Variants in MZT2A observed in about 807,000 individuals in gnomAD.
MZT2A encodes the protein mitotic-spindle organizing protein 2A.
In MZT2A, 8 loss-of-function variants were observed where a neutral mutation model predicts 12.4. That is an observed-to-expected ratio of 0.64 (90% CI 0.38 to 1.16). The LOEUF is 1.16. Ranked by LOEUF, MZT2A falls within the 50% of genes most tolerant of loss-of-function variation. MZT2A has a pLI of 0.01. For missense variants in MZT2A, 181 were observed against 223.6 expected, an observed-to-expected ratio of 0.81 and a Z score of 1.22; for synonymous variants, 88 against 107.5, an observed-to-expected ratio of 0.82 and a Z score of 1.12.
rs976167027 is a variant in MZT2A, at chr2:131,490,857, G to C, written c.319+1019C>G. The stretch of plus-strand genomic sequence containing the variant: ...CTGGAGGAAAACGAGGGCCTTGCAG[G>C]GGGGCTACTGTTCCTGGCAGAGAGA... On this transcript the variant is annotated intron_variant, in intron 2 of 2. Coordinates refer to ENST00000309451, the MANE Select transcript of MZT2A (RefSeq NM_001085365.2). The C allele has an allele frequency of 1.9e-5, 30 of 1,549,912 alleles. 1 individual carries two copies. In the Admixed American group the frequency reaches 4.3e-4, roughly 22 times the overall value.
At chr2:131,492,575 G>T (rs1340630557), upstream of MZT2A, 77 of 1,179,294 alleles carry the variant, frequency 6.5e-5, no homozygotes, top group Non-Finnish European at 5.7e-5. Context: ...TGAGCGGCGC[G>T]CTAGGCGTCG....
intron 2 of MZT2A, chr2:131,478,533 G>A: frequency 1.4e-6 from 2 of 1,403,620 alleles, no homozygotes; most frequent in South Asian, 3.0e-5. Context: ...GAAACTGAAA[G>A]GTTCGTGATC....
At chr2:131,474,635 C>T (rs1485750232) in intron 2 of MZT2A, among the ~76,000 whole-genome samples, 5 of 150,780 alleles carry the variant, frequency 3.3e-5, no homozygotes, top group Non-Finnish European at 7.4e-5. Flanking sequence ...GTCTTGAACT[C>T]CTGACCTCAA....
chr2:131,490,847 G>A, intron 2 of MZT2A: 1 of 1,550,062 alleles, frequency 6.5e-7, no homozygotes, highest in South Asian at 1.2e-5. Context: ...GGAAAACGAG[G>A]GCCTTGCAGG....
chr2:131,480,935 G>C (rs1200008758), downstream of MZT2A, among the ~76,000 whole-genome samples: 2 of 149,956 alleles, frequency 1.3e-5, no homozygotes, highest in Non-Finnish European at 3.0e-5. Context: ...AGACAGTCTT[G>C]CTCTGTCAAC....
At chr2:131,478,692 A>G in intron 2 of MZT2A, 2 of 500,260 alleles carry the variant, frequency 4.0e-6, no homozygotes, top group Admixed American at 3.6e-5. Context: ...GTGCAGTGGC[A>G]TTGGTTCCCT....
At chr2:131,478,054 G>C in intron 2 of MZT2A, 1 of 1,430,844 alleles carries the variant, frequency 7.0e-7, no homozygotes, top group Admixed American at 2.5e-5. Flanking sequence ...GATTGTGAAA[G>C]CGCCAGATAC....
At chr2:131,493,149 C>T, upstream of MZT2A, 1 of 1,440,174 alleles carries the variant, frequency 6.9e-7, no homozygotes, top group East Asian at 2.6e-5. Flanking sequence ...AGGTGAGTGG[C>T]GCGGGACGCG....
intron 2 of MZT2A, chr2:131,491,109 T>C: frequency 1.4e-6 from 1 of 705,244 alleles, no homozygotes; most frequent in East Asian, 2.8e-5. Context: ...CCTCCTTCCA[T>C]TGGCCTGGGA....
chr2:131,492,170 G>A, intron 1 of MZT2A, 37 bp downstream of exon 1: 2 of 1,536,176 alleles, frequency 1.3e-6, no homozygotes, highest in South Asian at 2.5e-5. Context: ...GGTCGGGGGT[G>A]TCTGGCGAGC....
At chr2:131,490,294 G>A in intron 2 of MZT2A, 2 of 1,015,898 alleles carry the variant, frequency 2.0e-6, no homozygotes, top group South Asian at 2.9e-5. Flanking sequence ...GGCAGACTCT[G>A]GGAAGGTGGG....
chr2:131,472,912 TC>T (rs1377041811), intron 2 of MZT2A, among the ~76,000 whole-genome samples: 13 of 149,422 alleles, frequency 8.7e-5, no homozygotes, highest in South Asian at 2.1e-4. Flanking sequence ...CTGAATGGTG[TC>T]CCCCCCCACC....
intron 2 of MZT2A, chr2:131,490,413 C>A: frequency 2.4e-6 from 3 of 1,230,912 alleles, no homozygotes; most frequent in Non-Finnish European, 3.1e-6. Flanking sequence ...CACACTGCAC[C>A]CGGCTGGCTG....
chr2:131,481,435 A>ATTTTT (rs70994779), downstream of MZT2A, among the ~76,000 whole-genome samples: 616 of 129,230 alleles, frequency 4.8e-3, 13 homozygotes, highest in African/African-American at 0.018. Context: ...TGCCCGGGTA[A>ATTTTT]TTTTTTTTTT....
chr2:131,492,893 G>A, upstream of MZT2A: 1 of 1,509,160 alleles, frequency 6.6e-7, no homozygotes, highest in South Asian at 1.2e-5. Flanking sequence ...CCACAACGCA[G>A]GCGCATTCAG....
upstream of MZT2A, among the ~76,000 whole-genome samples, chr2:131,493,624 G>A (rs899817202): frequency 1.3e-5 from 2 of 152,132 alleles, no homozygotes; most frequent in African/African-American, 4.8e-5. Context: ...GACAGAATTT[G>A]CTTGGAATGA....
chr2:131,480,906 ATTTC>A (rs1678841619), downstream of MZT2A, among the ~76,000 whole-genome samples: 1 of 150,218 alleles, frequency 6.7e-6, no homozygotes, highest in Non-Finnish European at 1.5e-5. Flanking sequence ...TGATTCAGTG[ATTTC>A]TTTTTTTTTT....
intron 2 of MZT2A, chr2:131,476,189 C>T (rs1401758493): frequency 6.2e-7 from 1 of 1,613,950 alleles, no homozygotes; most frequent in Non-Finnish European, 8.5e-7. Flanking sequence ...GCTGAAGCAG[C>T]GGAGTTCGCC....
intron 2 of MZT2A, chr2:131,491,016 C>T: frequency 7.1e-7 from 1 of 1,411,474 alleles, no homozygotes; most frequent in Middle Eastern, 1.7e-4. Flanking sequence ...GCACTTCCCC[C>T]ATGAAGGCAG....
Sources: allele counts gnomAD v4.1 joint callset (sites outside exome capture counted in the v4.1 genomes callset), GRCh38; gene constraint gnomAD v4.1.1; transcripts MANE v1.5; gene names NCBI Gene and HGNC (gene_info 2026-07-23, HGNC 2026-07-21).